Variants in CDH13 observed in about 807,000 individuals in gnomAD.
CDH13 encodes cadherin 13.
In CDH13, 24 loss-of-function variants were observed where a neutral mutation model predicts 63.8. The ratio of observed to expected loss-of-function variants is 0.38; its 90% CI spans 0.27 to 0.53. CDH13 has a LOEUF of 0.53. Ranked by LOEUF, CDH13 falls within the 20% of genes least tolerant of loss-of-function variation. The pLI is 0.85. For missense variants in CDH13, 1,049 were observed against 903.1 expected, an observed-to-expected ratio of 1.16 and a Z score of -2.07; for synonymous variants, 503 against 355.3, an observed-to-expected ratio of 1.42 and a Z score of -4.67.
At chr16:83,666,008 A>G (rs1913915892) in intron 8 of CDH13, among the ~76,000 whole-genome samples, 1 of 152,350 alleles carries the variant, frequency 6.6e-6, no homozygotes, top group Admixed American at 6.5e-5. Flanking sequence ...TAAGCCCAGT[A>G]CATAGTCCCA....
At chr16:83,357,671 C>G (rs1446206555) in intron 6 of CDH13, among the ~76,000 whole-genome samples, 1 of 152,150 alleles carries the variant, frequency 6.6e-6, no homozygotes, top group Non-Finnish European at 1.5e-5. Flanking sequence ...AAACATACGT[C>G]AATGCATAGA....
chr16:83,269,056 G>C (rs941320454), intron 5 of CDH13, among the ~76,000 whole-genome samples: 14 of 152,196 alleles, frequency 9.2e-5, no homozygotes, highest in African/African-American at 3.1e-4. Context: ...CGCTTTTACT[G>C]TTGGTGTTTT....
chr16:83,461,367 A>G (rs923546160), intron 6 of CDH13, among the ~76,000 whole-genome samples: 5 of 152,200 alleles, frequency 3.3e-5, no homozygotes, highest in African/African-American at 1.2e-4. Flanking sequence ...TGGCTCATCC[A>G]GAGCAGGTGA....
intron 3 of CDH13, among the ~76,000 whole-genome samples, chr16:83,111,183 A>G (rs1035829233): frequency 1.3e-5 from 2 of 151,902 alleles, no homozygotes; most frequent in African/African-American, 4.8e-5. Context: ...AAAAAAAAAG[A>G]AAAAAATAGA....
At chr16:83,009,141 A>G (rs1209513560) in intron 2 of CDH13, among the ~76,000 whole-genome samples, 2 of 152,228 alleles carry the variant, frequency 1.3e-5, no homozygotes, top group Non-Finnish European at 2.9e-5. Context: ...GTGAAGACAC[A>G]GCCAAACCAG....
chr16:82,710,481 C>T (rs1357069891), intron 1 of CDH13, among the ~76,000 whole-genome samples: 5 of 128,018 alleles, frequency 3.9e-5, no homozygotes, highest in African/African-American at 8.9e-5. Context: ...TGCAGTGAGC[C>T]GAGATCGCGC....
intron 5 of CDH13, among the ~76,000 whole-genome samples, chr16:83,257,565 G>A (rs1906448520): frequency 1.3e-5 from 2 of 152,198 alleles, no homozygotes; most frequent in African/African-American, 2.4e-5. Context: ...AAAAACTCCA[G>A]TGAGGCTGCA....
chr16:82,792,629 A>C (rs540349195), intron 1 of CDH13, among the ~76,000 whole-genome samples: 3 of 152,162 alleles, frequency 2.0e-5, no homozygotes, highest in Admixed American at 1.3e-4. Context: ...TCTGAGGACA[A>C]AGCCTGGTGG....
rs561772160 is a variant in CDH13, at chr16:83,471,615, C to T, written c.782-14862C>T. On this transcript the variant is annotated intron_variant, in intron 6 of 13. Transcript: ENST00000567109. ...TATGCCTGCCTTTGTAACTGTGAAG[C>T]GACTTTTGCAGCTCAGAGAGGCTGC... is the stretch of plus-strand genomic sequence containing the variant. Among the ~76,000 whole-genome samples the T allele has an allele frequency of 4.7e-4, 72 of 152,254 alleles. 1 individual carries two copies. The East Asian group carries it at 0.013, about 28-fold the overall frequency.
At chr16:83,252,666 G>A (rs533390362) in intron 5 of CDH13, among the ~76,000 whole-genome samples, 16 of 152,118 alleles carry the variant, frequency 1.1e-4, no homozygotes, top group Non-Finnish European at 1.8e-4. Flanking sequence ...AACCTGGGGC[G>A]AAGGTGATTA....
At chr16:83,764,734 CTGCCTTCCCTG>C in intron 11 of CDH13, among the ~76,000 whole-genome samples, 1 of 144,022 alleles carries the variant, frequency 6.9e-6, no homozygotes, top group Admixed American at 7.2e-5. Context: ...TGCATCCTGC[CTGCCTTCCCTG>C]AGGCCCTTGC....
chr16:83,033,114 T>C (rs1405002516), intron 3 of CDH13, among the ~76,000 whole-genome samples: 1 of 152,186 alleles, frequency 6.6e-6, no homozygotes, highest in Non-Finnish European at 1.5e-5. Context: ...ATACATATGG[T>C]ATATGTGCAT....
chr16:82,995,593 G>A (rs773131560), intron 2 of CDH13, among the ~76,000 whole-genome samples: 10 of 151,972 alleles, frequency 6.6e-5, no homozygotes, highest in Non-Finnish European at 4.4e-5. Context: ...AAATAAGGGA[G>A]AAAAAAAGTC....
chr16:82,950,894 G>C (rs1010251863), intron 2 of CDH13, among the ~76,000 whole-genome samples: 3 of 149,676 alleles, frequency 2.0e-5, no homozygotes, highest in Non-Finnish European at 4.4e-5. Flanking sequence ...ACACAAAAGA[G>C]CATCTGATCA....
intron 7 of CDH13, among the ~76,000 whole-genome samples, chr16:83,538,159 C>T (rs555139216): frequency 2.2e-4 from 34 of 152,254 alleles, no homozygotes; most frequent in African/African-American, 7.2e-4. Context: ...AGAAATGTGC[C>T]GAGTGGCTCA....
At chr16:83,443,742 AT>A (rs1438905519) in intron 6 of CDH13, among the ~76,000 whole-genome samples, 2,538 of 79,408 alleles carry the variant, frequency 0.032, 133 homozygotes, top group African/African-American at 0.16. Context: ...AAAAATATAT[AT>A]ATATATATAT....
chr16:83,637,455 G>C (rs1911368884), intron 8 of CDH13, among the ~76,000 whole-genome samples: 1 of 78,152 alleles, frequency 1.3e-5, no homozygotes, highest in Admixed American at 1.4e-4. Context: ...GCGAGGCATT[G>C]CCTCACCTGG....
At chr16:83,589,552 C>T (rs1048113781) in intron 7 of CDH13, among the ~76,000 whole-genome samples, 1 of 151,848 alleles carries the variant, frequency 6.6e-6, no homozygotes, top group African/African-American at 2.4e-5. Context: ...AAAATATTCA[C>T]AGATTCCAGG....
intron 1 of CDH13, among the ~76,000 whole-genome samples, chr16:82,855,934 TG>T (rs1223930731): frequency 6.6e-6 from 1 of 152,100 alleles, no homozygotes; most frequent in African/African-American, 2.4e-5. Context: ...AGTTCTCTGG[TG>T]GGGATGATAA....
Sources: allele counts gnomAD v4.1 joint callset (sites outside exome capture counted in the v4.1 genomes callset), GRCh38; gene constraint gnomAD v4.1.1; transcripts MANE v1.5; gene names NCBI Gene and HGNC (gene_info 2026-07-23, HGNC 2026-07-21).